The following NTPCR variants were observed in gnomAD, a reference collection of about 807,000 sequenced individuals.
The protein encoded by NTPCR is nucleoside-triphosphatase, cancer-related, also known as cancer-related nucleoside-triphosphatase.
A neutral mutation model predicts 19.5 loss-of-function variants in NTPCR; 15 were observed. That is an observed-to-expected ratio of 0.77 (90% CI 0.51 to 1.18). NTPCR has a LOEUF of 1.18. Among genes scored for constraint, NTPCR ranks in the 50% most tolerant of loss-of-function variants. The pLI is 0.00. For synonymous variants in NTPCR, 90 were observed against 95.8 expected (o/e 0.94, Z 0.36); for missense variants, 206 against 240.4 (o/e 0.86, Z 0.95).
chr1:232,975,975 A>G (rs907041907), intron 4 of NTPCR, among the ~76,000 whole-genome samples: 1 of 152,202 alleles, frequency 6.6e-6, no homozygotes, highest in Non-Finnish European at 1.5e-5. Context: ...TTGTTCTTGC[A>G]TTTGGGAGTG....
chr1:232,970,308 G>A (rs58455882), intron 4 of NTPCR, among the ~76,000 whole-genome samples, 190 bp downstream of exon 4: 1,915 of 152,144 alleles, frequency 0.013, 39 homozygotes, highest in African/African-American at 0.042. Context: ...AAACAAACTC[G>A]CTTATGGGGG....
rs116499327 is a variant in NTPCR at position 232,977,632 on chromosome 1, C to T, written c.505-531C>T. ...CTGAGTAACAGTCTGTACGGAGGCA[C>T]CCTCACGTCTCTGGCTCTCCCACTT... is the stretch of plus-strand genomic sequence containing the variant. On this transcript the variant is annotated intron_variant, in intron 4 of 4. Transcript: ENST00000366628. 5.6e-3 allele frequency: 866 copies of T among 154,288 alleles called. 10 individuals carry two copies. Among genetic ancestry groups the T allele is most frequent in the African/African-American group, 0.018 (768 of 41,562 alleles). The allele number at this position is 154,288 out of a possible 1,614,324, so 9.6% of individuals were successfully genotyped here. A position where few individuals can be genotyped will look rare whatever the true frequency, so the allele number is the denominator to read the frequency against.
Position 232,970,109 on chromosome 1 carries a change from G to T in NTPCR, c.495G>T (p.Lys165Asn). The T allele has an allele frequency of 6.2e-7, 1 of 1,612,972 alleles. No homozygotes were observed. The highest frequency in any genetic ancestry group is 8.5e-7 in the Non-Finnish European group (1 of 1,179,474). The change falls in exon 4 of 5, where the codon AAG becomes AAT. Residue 165 changes from lysine to asparagine, a missense_variant. Transcript: ENST00000366628. ...VEEIRNRKDVKVFNVTKENRN... is the reference protein window; with the variant it reads ...VEEIRNRKDVNVFNVTKENRN... ...AAATCAGAAACAGAAAGGATGTGAA[G>T]GTGTTTAATGTGAGTACAGCCAGTC...
At chr1:232,967,096 TTCTAAG>T (rs1464671490) in intron 3 of NTPCR, 18 of 152,228 alleles carry the variant, frequency 1.2e-4, no homozygotes, top group African/African-American at 3.9e-4. Flanking sequence ...GCCCCTATTG[TTCTAAG>T]TCTGTGTCTC....
intron 3 of NTPCR, among the ~76,000 whole-genome samples, chr1:232,960,129 G>A (rs985612329): frequency 6.2e-5 from 9 of 145,210 alleles, no homozygotes; most frequent in African/African-American, 2.0e-4. Context: ...CAGGAGAATC[G>A]CTTGAACCCA....
chr1:232,958,131 G>T (rs1012159771), intron 3 of NTPCR, among the ~76,000 whole-genome samples: 3 of 152,304 alleles, frequency 2.0e-5, no homozygotes, highest in Non-Finnish European at 4.4e-5. Flanking sequence ...ATCTATTACA[G>T]ACTTACTACT....
At chr1:232,973,109 C>G (rs978055782) in intron 4 of NTPCR, among the ~76,000 whole-genome samples, 1 of 152,048 alleles carries the variant, frequency 6.6e-6, no homozygotes, top group Non-Finnish European at 1.5e-5. Context: ...GCTGAACATG[C>G]GTAGTGTGAA....
At chr1:232,967,998 A>C (rs1668868004) in intron 3 of NTPCR, 2 of 152,170 alleles carry the variant, frequency 1.3e-5, no homozygotes, top group South Asian at 4.1e-4. Context: ...TTGGAGGAAA[A>C]ACTTGGAATA....
intron 3 of NTPCR, among the ~76,000 whole-genome samples, chr1:232,958,781 A>C (rs1021296232): frequency 6.6e-5 from 10 of 152,204 alleles, no homozygotes; most frequent in Admixed American, 4.6e-4. Flanking sequence ...TCAAAAGTCA[A>C]GTGAAATACT....
At chr1:232,959,257 A>C (rs905457937) in intron 3 of NTPCR, among the ~76,000 whole-genome samples, 4 of 152,150 alleles carry the variant, frequency 2.6e-5, no homozygotes, top group Non-Finnish European at 4.4e-5. Context: ...CAAAAGTGGC[A>C]GTTTCCCCTG....
chr1:232,978,914 G>A lies in NTPCR; in HGVS notation c.*683G>A, dbSNP rs759200362. The A allele has an allele frequency of 6.6e-6, 1 of 152,128 alleles. No homozygotes were observed. Among genetic ancestry groups the A allele is most frequent in the Non-Finnish European group, 1.5e-5 (1 of 68,030 alleles). 9.4% of individuals were successfully genotyped at this position (152,128 alleles called of 1,614,324 possible). A position where few individuals can be genotyped will look rare whatever the true frequency, so the allele number is the denominator to read the frequency against. ...CGGGTTTGCATAAGAGCACTGCTTT[G>A]CCTTAGTTTACTCGGGAGCAATTTT... On this transcript the variant is annotated 3_prime_UTR_variant, in exon 5 of 5. Transcript: ENST00000366628.
chr1:232,975,403 C>G (rs1013914937), intron 4 of NTPCR, among the ~76,000 whole-genome samples: 1 of 152,190 alleles, frequency 6.6e-6, no homozygotes, highest in African/African-American at 2.4e-5. Flanking sequence ...GGCACAGATG[C>G]AGTACCAGAT....
At chr1:232,964,470 T>A (rs144679612) in intron 3 of NTPCR, 1 of 152,210 alleles carries the variant, frequency 6.6e-6, no homozygotes, top group African/African-American at 2.4e-5. Flanking sequence ...ACCATGCACA[T>A]CCTCCTCATC....
intron 3 of NTPCR, chr1:232,963,331 CTT>C (rs1032150178): frequency 6.6e-6 from 1 of 152,168 alleles, no homozygotes; most frequent in African/African-American, 2.4e-5. Context: ...GAGACTGAGA[CTT>C]TATTATTTCT....
chr1:232,970,521 C>T (rs1668946297), intron 4 of NTPCR, among the ~76,000 whole-genome samples: 1 of 152,058 alleles, frequency 6.6e-6, no homozygotes, highest in African/African-American at 2.4e-5. Flanking sequence ...AAAGCTGACC[C>T]ACTTGTGCTT....
chr1:232,980,102 TAAATGAG>T lies in NTPCR; in HGVS notation c.*1875_*1881del, dbSNP rs1669245378. 6.6e-6 allele frequency: 1 copy of T among 152,270 alleles called. No homozygotes were observed. The highest frequency in any genetic ancestry group is 6.5e-5 in the Admixed American group (1 of 15,290). 9.4% of individuals were successfully genotyped at this position (152,270 alleles called of 1,614,324 possible). A position where few individuals can be genotyped will look rare whatever the true frequency, so the allele number is the denominator to read the frequency against. On this transcript the variant is annotated 3_prime_UTR_variant, in exon 5 of 5. Transcript: ENST00000366628. ...TGTTTTGTAGACTTTGATTTTGTCT[TAAATGAG>T]AAAGAAAGCTGGTGAAGGTTATTTC...
intron 3 of NTPCR, chr1:232,965,589 A>C (rs1036967790): frequency 4.7e-4 from 72 of 152,384 alleles, no homozygotes; most frequent in Admixed American, 4.7e-3. Flanking sequence ...GCCTCCCTTC[A>C]CAATTTGGTT....
chr1:232,983,117 A>G lies in NTPCR; in HGVS notation c.*4886A>G, dbSNP rs1669324739. The G allele has an allele frequency of 6.6e-6, 1 of 152,182 alleles. No individual in the cohort carries two copies. Among genetic ancestry groups the G allele is most frequent in the Admixed American group, 6.5e-5 (1 of 15,282 alleles). 9.4% of individuals were successfully genotyped at this position (152,182 alleles called of 1,614,324 possible). ...ATTACCATTTACTTTCCAAGGGGCAAGAGATTCTCTACAATACCCTTCCCC... is the reference window on the plus strand; with the variant it reads ...ATTACCATTTACTTTCCAAGGGGCAGGAGATTCTCTACAATACCCTTCCCC... On this transcript the variant is annotated 3_prime_UTR_variant, in exon 5 of 5. Transcript: ENST00000366628.
At chr1:232,976,560 G>T in intron 4 of NTPCR, 1 of 1,486,388 alleles carries the variant, frequency 6.7e-7, no homozygotes, top group Non-Finnish European at 8.9e-7. Flanking sequence ...GCTAACTTAA[G>T]TGAAAACAGC....
Sources: allele counts gnomAD v4.1 joint callset (sites outside exome capture counted in the v4.1 genomes callset), GRCh38; gene constraint gnomAD v4.1.1; transcripts MANE v1.5; gene names NCBI Gene and HGNC (gene_info 2026-07-23, HGNC 2026-07-21).